The following RACGAP1 variants were observed in gnomAD, a reference collection of about 807,000 sequenced individuals.
RACGAP1 encodes the protein rac GTPase-activating protein 1.
A neutral mutation model predicts 78.1 loss-of-function variants in RACGAP1; 30 were observed. The observed-to-expected ratio is 0.38, with a 90% CI of 0.29 to 0.52. RACGAP1 has a LOEUF of 0.52. Ranked by LOEUF, RACGAP1 falls within the 20% of genes least tolerant of loss-of-function variation. The probability of loss-of-function intolerance (pLI) is 0.82; values close to 1 mark genes in which losing one functional copy is unlikely to be tolerated. For missense variants in RACGAP1, 587 were observed against 777.1 expected (o/e 0.76, Z 2.91); for synonymous variants, 231 against 264.8 (o/e 0.87, Z 1.24).
At chr12:50,022,438 C>T (rs611042) in intron 1 of RACGAP1, among the ~76,000 whole-genome samples, 8,994 of 152,060 alleles carry the variant, frequency 0.059, 357 homozygotes, top group Non-Finnish European at 0.087. Context: ...CAAAATTAGC[C>T]AGGCATGACG....
At chr12:50,018,066 G>C (rs1489318673) in intron 1 of RACGAP1, among the ~76,000 whole-genome samples, 1 of 151,232 alleles carries the variant, frequency 6.6e-6, no homozygotes, top group Non-Finnish European at 1.5e-5. Context: ...GCTGAGGCAG[G>C]AGGATCGCTT....
intron 7 of RACGAP1, among the ~76,000 whole-genome samples, chr12:50,000,219 T>A (rs1948586908): frequency 6.6e-6 from 1 of 151,934 alleles, no homozygotes; most frequent in Non-Finnish European, 1.5e-5. Context: ...TTCACTGTGT[T>A]AGCCAGGATG....
intron 3 of RACGAP1, among the ~76,000 whole-genome samples, chr12:50,005,606 GA>G (rs1413883059): frequency 6.6e-6 from 1 of 152,140 alleles, no homozygotes; most frequent in Non-Finnish European, 1.5e-5. Flanking sequence ...CTAGAACAGC[GA>G]AGTTTCTGCT....
At chr12:50,024,005 C>CA (rs1235892643) in intron 1 of RACGAP1, among the ~76,000 whole-genome samples, 1 of 151,774 alleles carries the variant, frequency 6.6e-6, no homozygotes, top group Non-Finnish European at 1.5e-5. Flanking sequence ...ACTAAAAATA[C>CA]AAAAAATTAG....
intron 10 of RACGAP1, among the ~76,000 whole-genome samples, chr12:49,995,217 G>A (rs1042590024): frequency 6.6e-6 from 1 of 152,070 alleles, no homozygotes; most frequent in Admixed American, 6.6e-5. Flanking sequence ...GCATGGTGGC[G>A]CATGCCTGTA....
intron 2 of RACGAP1, among the ~76,000 whole-genome samples, chr12:50,010,331 T>TTTC (rs1374682995): frequency 6.6e-6 from 1 of 151,698 alleles, no homozygotes; most frequent in African/African-American, 2.4e-5. Context: ...TTTTTTTTTT[T>TTTC]TCTTTTTTAA....
chr12:49,999,529 CCG>C, intron 8 of RACGAP1, 85 bp downstream of exon 8: 1 of 1,210,298 alleles, frequency 8.3e-7, no homozygotes, highest in Non-Finnish European at 1.2e-6. Flanking sequence ...CATCCAATCC[CCG>C]CCTCCAGAGG....
intron 1 of RACGAP1, 145 bp downstream of exon 1, chr12:50,025,253 C>T (rs1272532359): frequency 1.0e-6 from 1 of 966,292 alleles, no homozygotes; most frequent in Non-Finnish European, 1.2e-6. Context: ...CAGAAAAGCC[C>T]GAGTGGAGAG....
At chr12:50,000,338 G>A (rs1469172752) in intron 7 of RACGAP1, among the ~76,000 whole-genome samples, 2 of 151,742 alleles carry the variant, frequency 1.3e-5, no homozygotes, top group Non-Finnish European at 2.9e-5. Context: ...TTTTAGTAGA[G>A]ACGGGATTTC....
chr12:50,007,302 A>T (rs1482590987), intron 2 of RACGAP1, among the ~76,000 whole-genome samples: 1 of 152,032 alleles, frequency 6.6e-6, no homozygotes, highest in Non-Finnish European at 1.5e-5. Flanking sequence ...CCCTGATAGC[A>T]GAATGTGAAG....
chr12:50,025,437 G>A lies in RACGAP1; in HGVS notation c.-44C>T, dbSNP rs559200232. ...CCCCACCTGGGCCACCCTTCACTTC[G>A]CTCCGCGCCTCACCCAACGGCAGAG... is the stretch of plus-strand genomic sequence containing the variant. On this transcript the variant is annotated 5_prime_UTR_variant, in exon 1 of 17. Transcript: ENST00000312377. 10 of 985,634 alleles carry A rather than the reference G, an allele frequency of 1.0e-5. No homozygotes were observed. In the African/African-American group the frequency reaches 1.4e-4, roughly 14 times the overall value. 61.1% of individuals were successfully genotyped at this position (985,634 alleles called of 1,614,324 possible). A position where few individuals can be genotyped will look rare whatever the true frequency, so the allele number is the denominator to read the frequency against.
At chr12:50,010,318 C>CTCT (rs1949236113) in intron 2 of RACGAP1, among the ~76,000 whole-genome samples, 1 of 142,674 alleles carries the variant, frequency 7.0e-6, no homozygotes, top group African/African-American at 2.6e-5. Flanking sequence ...CTTTTTTTAA[C>CTCT]TTTTTTTTTT....
chr12:50,013,373 G>A (rs1949471547), intron 2 of RACGAP1, among the ~76,000 whole-genome samples: 1 of 152,138 alleles, frequency 6.6e-6, no homozygotes, highest in Non-Finnish European at 1.5e-5. Context: ...ACAGGTAAAA[G>A]CCAGCACTAG....
At chr12:50,017,363 G>C (rs1949738594) in intron 1 of RACGAP1, among the ~76,000 whole-genome samples, 1 of 152,168 alleles carries the variant, frequency 6.6e-6, no homozygotes, top group Non-Finnish European at 1.5e-5. Context: ...GGATTATGTT[G>C]TACCACATTC....
intron 2 of RACGAP1, among the ~76,000 whole-genome samples, chr12:50,012,496 G>A (rs1949405439): frequency 6.6e-6 from 1 of 151,818 alleles, no homozygotes; most frequent in African/African-American, 2.4e-5. Context: ...GGGAGGCAGA[G>A]GTTGCGGTAA....
intron 10 of RACGAP1, 60 bp from the exon 11 acceptor site, chr12:49,994,569 C>T (rs1055757886): frequency 2.6e-6 from 4 of 1,565,036 alleles, no homozygotes; most frequent in Non-Finnish European, 1.7e-6. Context: ...CAGATGAAGA[C>T]CACATGCGAA....
At chr12:50,021,825 C>T (rs1318404380) in intron 1 of RACGAP1, among the ~76,000 whole-genome samples, 2 of 152,182 alleles carry the variant, frequency 1.3e-5, no homozygotes, top group East Asian at 3.8e-4. Flanking sequence ...CAAAGATAAT[C>T]TCAGTACTTT....
intron 10 of RACGAP1, 54 bp from the exon 11 acceptor site, chr12:49,994,563 T>G: frequency 1.3e-6 from 2 of 1,578,848 alleles, no homozygotes; most frequent in Non-Finnish European, 1.7e-6. Flanking sequence ...GACCAACAGA[T>G]GAAGACCACA....
chr12:50,004,448 A>C, intron 4 of RACGAP1, 144 bp from the exon 5 acceptor site: 2 of 1,344,262 alleles, frequency 1.5e-6, no homozygotes, highest in Non-Finnish European at 2.0e-6. Flanking sequence ...TACAATCTCA[A>C]ACCCTGTGGT....
Sources: gnomAD v4.1 joint callset for allele counts (sites outside exome capture counted in the v4.1 genomes callset) on GRCh38, gnomAD v4.1.1 for gene constraint, MANE v1.5 for transcripts, NCBI Gene and HGNC (gene_info 2026-07-23, HGNC 2026-07-21) for gene names.